Variants in ROBO1 observed in about 807,000 individuals in gnomAD.
The protein encoded by ROBO1 is roundabout homolog 1.
Under a neutral mutation model 195.9 loss-of-function variants are expected in ROBO1, and 149 were observed. The observed-to-expected ratio is 0.76, with a 90% CI of 0.67 to 0.87. The LOEUF (loss-of-function observed/expected upper bound fraction) is 0.87, where lower values mean the gene tolerates loss of function less well. ROBO1 is among the 40% of genes least tolerant of loss of function. The pLI is 0.00. For synonymous variants in ROBO1, 816 were observed against 733.2 expected (o/e 1.11, Z -1.82); for missense variants, 1,933 against 2,068.3 (o/e 0.93, Z 1.27).
intron 3 of ROBO1, among the ~76,000 whole-genome samples, chr3:79,024,915 C>T (rs1419324198): frequency 6.6e-6 from 1 of 152,134 alleles, no homozygotes; most frequent in Non-Finnish European, 1.5e-5. Flanking sequence ...CTTCATAGAG[C>T]AGTCAGAGGG....
At chr3:79,593,415 C>T (rs754695511) in intron 1 of ROBO1, among the ~76,000 whole-genome samples, 1 of 152,034 alleles carries the variant, frequency 6.6e-6, no homozygotes, top group Non-Finnish European at 1.5e-5. Context: ...TCCTTGCTAG[C>T]AGCTGGTGTT....
At chr3:78,612,338 C>CGGTA (rs1703867525) in intron 28 of ROBO1, among the ~76,000 whole-genome samples, 1 of 152,156 alleles carries the variant, frequency 6.6e-6, no homozygotes, top group South Asian at 2.1e-4. Flanking sequence ...TTTTAACAAT[C>CGGTA]GGTAGCTCTT....
chr3:79,564,431 A>G (rs924646441), intron 2 of ROBO1, among the ~76,000 whole-genome samples: 1 of 152,032 alleles, frequency 6.6e-6, no homozygotes, highest in Non-Finnish European at 1.5e-5. Context: ...TTTCATAAAT[A>G]AACTTGAGAG....
At chr3:79,233,306 T>C (rs1229396428) in intron 2 of ROBO1, among the ~76,000 whole-genome samples, 1 of 151,964 alleles carries the variant, frequency 6.6e-6, no homozygotes, top group Non-Finnish European at 1.5e-5. Context: ...AATGGCATAA[T>C]GTTAATGACA....
chr3:78,597,525 T>TATG lies in ROBO1; in HGVS notation c.*1385_*1387dup, dbSNP rs1702895959. Reference sequence around the variant, plus strand: ...GGGTCAGACCTGATACTTATCTATCTATGAATAAATGTACATTTTTTTCTT... The same window carrying TATG: ...GGGTCAGACCTGATACTTATCTATCTATGATGAATAAATGTACATTTTTTTCTT... On this transcript the variant is annotated 3_prime_UTR_variant, in exon 31 of 31. Transcript: ENST00000464233. The TATG allele has an allele frequency of 1.3e-5, 2 of 152,530 alleles. No homozygotes were observed. The highest frequency in any genetic ancestry group is 2.9e-5 in the Non-Finnish European group (2 of 68,010). 9.4% of individuals were successfully genotyped at this position (152,530 alleles called of 1,614,324 possible).
intron 8 of ROBO1, among the ~76,000 whole-genome samples, chr3:78,704,765 C>T (rs543168337): frequency 8.0e-4 from 122 of 151,870 alleles, no homozygotes; most frequent in African/African-American, 2.1e-3. Context: ...TTGCTTCAGC[C>T]CAGGTGGTCA....
chr3:79,167,963 T>C (rs1350611787), intron 2 of ROBO1, among the ~76,000 whole-genome samples: 1 of 152,222 alleles, frequency 6.6e-6, no homozygotes, highest in Non-Finnish European at 1.5e-5. Context: ...CACTGTCAGA[T>C]GATAACTACA....
chr3:79,722,019 C>T (rs762720550), intron 1 of ROBO1, among the ~76,000 whole-genome samples: 2 of 152,034 alleles, frequency 1.3e-5, no homozygotes, highest in Admixed American at 6.5e-5. Flanking sequence ...ATAATATTTG[C>T]AAAACATTAT....
intron 2 of ROBO1, among the ~76,000 whole-genome samples, chr3:79,236,003 T>A (rs556992261): frequency 1.3e-5 from 2 of 152,078 alleles, no homozygotes; most frequent in Admixed American, 6.5e-5. Flanking sequence ...CACAGAGAAG[T>A]TATCATTTCC....
At chr3:79,185,137 C>T (rs2081415179) in intron 2 of ROBO1, among the ~76,000 whole-genome samples, 1 of 152,138 alleles carries the variant, frequency 6.6e-6, no homozygotes, top group South Asian at 2.1e-4. Context: ...ACACTACTAA[C>T]TGGACAACTA....
intron 3 of ROBO1, among the ~76,000 whole-genome samples, chr3:78,975,371 C>T (rs1469215087): frequency 6.6e-6 from 1 of 152,036 alleles, no homozygotes; most frequent in African/African-American, 2.4e-5. Flanking sequence ...ACTTTGGTAA[C>T]AATTTTATCA....
In ROBO1 at chr3:79,129,681, C is replaced by T. The variant is rs564705525; in HGVS notation, c.89-4142G>A. On this transcript the variant is annotated intron_variant, in intron 2 of 30. Coordinates refer to ENST00000464233, the MANE Select transcript of ROBO1 (RefSeq NM_002941.4). ...AACATGATGTTTTGAAATATGTATG[C>T]ATACATTGTAGAATGGCTTAATACA... is the stretch of plus-strand genomic sequence containing the variant. Among the ~76,000 whole-genome samples, 250 of 152,144 alleles carry T rather than the reference C, an allele frequency of 1.6e-3. 2 individuals are homozygous for T. The highest frequency in any genetic ancestry group is 5.5e-3 in the African/African-American group (227 of 41,532).
At chr3:79,540,009 T>G (rs1942007147) in intron 2 of ROBO1, among the ~76,000 whole-genome samples, 1 of 152,112 alleles carries the variant, frequency 6.6e-6, no homozygotes, top group African/African-American at 2.4e-5. Context: ...TTATTTTTCA[T>G]AATTCCTTGG....
rs562048032 is a variant in ROBO1 at position 78,803,163 on chromosome 3, T to C, written c.500-56263A>G. Among the ~76,000 whole-genome samples the C allele has an allele frequency of 2.0e-5, 3 of 152,284 alleles. No homozygotes were observed. In the East Asian group the frequency reaches 5.8e-4, roughly 29 times the overall value. On this transcript the variant is annotated intron_variant, in intron 4 of 30. Transcript: ENST00000464233. ...CACTTCACTTACTGGCTGTGTATTT[T>C]TGGCAAACTAATCAACCTGCCTGAT...
At chr3:78,941,021 T>C (rs372325459) in intron 3 of ROBO1, among the ~76,000 whole-genome samples, 8 of 152,354 alleles carry the variant, frequency 5.3e-5, no homozygotes, top group East Asian at 1.9e-4. Context: ...CAACCTTTAA[T>C]AGACTGTAAG....
chr3:79,229,355 A>T (rs1238045104), intron 2 of ROBO1, among the ~76,000 whole-genome samples: 1 of 152,322 alleles, frequency 6.6e-6, no homozygotes, highest in East Asian at 1.9e-4. Flanking sequence ...AGGAAAGGAT[A>T]AAACTGTACC....
intron 2 of ROBO1, among the ~76,000 whole-genome samples, chr3:79,183,030 G>A (rs894597983): frequency 1.4e-5 from 2 of 146,350 alleles, no homozygotes; most frequent in Non-Finnish European, 3.0e-5. Context: ...GCAGTGAGCC[G>A]AGATCGCGCC....
intron 1 of ROBO1, among the ~76,000 whole-genome samples, chr3:79,691,059 A>G (rs1947284118): frequency 6.6e-6 from 1 of 151,956 alleles, no homozygotes; most frequent in East Asian, 1.9e-4. Flanking sequence ...TTTAACAGAA[A>G]TAATTTGCCA....
intron 2 of ROBO1, among the ~76,000 whole-genome samples, chr3:79,202,265 T>A (rs903425570): frequency 4.6e-5 from 7 of 152,050 alleles, no homozygotes; most frequent in Non-Finnish European, 8.8e-5. Context: ...GTAAGTTCAG[T>A]AAATATTTAT....
Sources: gnomAD v4.1 joint callset for allele counts (sites outside exome capture counted in the v4.1 genomes callset) on GRCh38, gnomAD v4.1.1 for gene constraint, MANE v1.5 for transcripts, NCBI Gene and HGNC (gene_info 2026-07-23, HGNC 2026-07-21) for gene names.